The following MED20 variants were observed in gnomAD, a reference collection of about 807,000 sequenced individuals.
MED20 encodes the protein mediator complex subunit 20.
A neutral mutation model predicts 19.7 loss-of-function variants in MED20; 19 were observed. That is an observed-to-expected ratio of 0.96 (90% confidence interval 0.67 to 1.42). The LOEUF (loss-of-function observed/expected upper bound fraction) is 1.42, where lower values mean the gene tolerates loss of function less well. Among genes scored for constraint, MED20 ranks in the 40% most tolerant of loss-of-function variants. MED20 has a pLI of 0.00. For missense variants in MED20, 225 were observed against 273.0 expected (o/e 0.82, Z 1.24); for synonymous variants, 105 against 104.8 (o/e 1.00, Z -0.01).
intron 1 of MED20, chr6:41,918,015 C>CA (rs368085087): frequency 0.034 from 7,595 of 225,634 alleles, 58 homozygotes; most frequent in South Asian, 0.057. Context: ...TGGAACAAAA[C>CA]AAAAAAAAAA....
intron 1 of MED20, chr6:41,920,701 C>A: frequency 3.4e-6 from 1 of 297,030 alleles, no homozygotes; most frequent in Non-Finnish European, 6.2e-6. Context: ...ACCCAAGAGG[C>A]GGAGTGTTGC....
intron 2 of MED20, among the ~76,000 whole-genome samples, chr6:41,910,924 CATGGTAA>C (rs1224382286): frequency 6.6e-6 from 1 of 151,678 alleles, no homozygotes; most frequent in Admixed American, 6.6e-5. Flanking sequence ...GCCTGGCCAA[CATGGTAA>C]AACCTCGTGT....
At chr6:41,911,190 G>A (rs184513907) in intron 2 of MED20, among the ~76,000 whole-genome samples, 401 of 148,118 alleles carry the variant, frequency 2.7e-3, no homozygotes, top group African/African-American at 9.4e-3. Context: ...TCACTCTGTC[G>A]CCCAGGCTGT....
In MED20 at chr6:41,921,113, C is replaced by G; in HGVS notation, c.-95G>C. 1 of 1,530,338 alleles carries G rather than the reference C, an allele frequency of 6.5e-7. No individual in the cohort carries two copies. The highest frequency in any genetic ancestry group is 8.9e-7 in the Non-Finnish European group (1 of 1,119,594). The allele number at this position is 1,530,338 out of a possible 1,614,324, so 94.8% of individuals were successfully genotyped here. On this transcript the variant is annotated 5_prime_UTR_variant, in exon 1 of 4. Coordinates refer to ENST00000265350, the MANE Select transcript of MED20 (RefSeq NM_004275.5). ...TCCTTCAGTTCCCCAACACAACCTT[C>G]TGTCTCAGAAGGGACTCCGGAAATA...
In MED20 at chr6:41,909,494, C is replaced by A; in HGVS notation, c.198G>T (p.Met66Ile). The A allele has an allele frequency of 6.2e-7, 1 of 1,614,208 alleles. No individual in the cohort carries two copies. The highest frequency in any genetic ancestry group is 8.5e-7 in the Non-Finnish European group (1 of 1,180,018). Residue 66 changes from methionine (M) to isoleucine (I), a missense_variant, in exon 3 of 4, where the codon ATG becomes ATT. Transcript: ENST00000265350. The part of the protein sequence containing the change: ...QGQTGKLMYV[M>I]HNSEYPLSCF... ...AGCTCAATGGGTACTCTGAGTTGTG[C>A]ATCACATACATCAGCTTCCCGGTCT... is the stretch of plus-strand genomic sequence containing the variant.
chr6:41,914,726 A>C (rs1262555844), intron 2 of MED20, among the ~76,000 whole-genome samples: 1 of 151,966 alleles, frequency 6.6e-6, no homozygotes, highest in Non-Finnish European at 1.5e-5. Flanking sequence ...AAAAAGAAAA[A>C]AAAAAAAAGT....
chr6:41,907,865 A>G (rs558818641), intron 3 of MED20, among the ~76,000 whole-genome samples: 1 of 152,296 alleles, frequency 6.6e-6, no homozygotes, highest in East Asian at 1.9e-4. Context: ...GCAGGGCAAA[A>G]TTACTGGCAA....
chr6:41,912,015 C>T (rs1345881250), intron 2 of MED20, among the ~76,000 whole-genome samples: 1 of 151,594 alleles, frequency 6.6e-6, no homozygotes, highest in East Asian at 1.9e-4. Context: ...GAAGAAGGCA[C>T]TTCTAGTTGT....
rs1278058798 is a variant in MED20 at position 41,905,899 on chromosome 6, A to T, written c.*1173T>A. On this transcript the variant is annotated 3_prime_UTR_variant, in exon 4 of 4. Transcript: ENST00000265350. ...ACGAAAGGTGTGGAATTAACTTCCT[A>T]GTGTGACTAATCCAACTTAGCTCAA... is the stretch of plus-strand genomic sequence containing the variant. 1 of 152,160 alleles carries T rather than the reference A, an allele frequency of 6.6e-6. No individual in the cohort carries two copies. Among genetic ancestry groups the T allele is most frequent in the African/African-American group, 2.4e-5 (1 of 41,448 alleles). 9.4% of individuals were successfully genotyped at this position (152,160 alleles called of 1,614,324 possible).
chr6:41,919,575 T>A (rs957604587), intron 1 of MED20, among the ~76,000 whole-genome samples: 1 of 152,172 alleles, frequency 6.6e-6, no homozygotes, highest in Non-Finnish European at 1.5e-5. Context: ...CCTAGGATTC[T>A]GAAAACGTTG....
Position 41,907,211 on chromosome 6 carries a change from C to T in MED20, c.500G>A (p.Ser167Asn). The change falls in exon 4 of 4, where the codon AGC becomes AAC. Residue 167 changes from serine (S) to asparagine (N), a missense_variant. Ser to Asn is a conservative substitution (Grantham distance 46). Coordinates refer to ENST00000265350, the MANE Select transcript of MED20 (RefSeq NM_004275.5). ...CACTGCGGGAGCCCCTGGTGTGTGG[C>T]TGCCTAGAAAACTCTGTAGGAACTC... ...LLEFLQSFLG[S>N]HTPGAPAVFG... The T allele has an allele frequency of 6.2e-7, 1 of 1,614,042 alleles. No individual in the cohort carries two copies. Among genetic ancestry groups the T allele is most frequent in the African/African-American group, 1.3e-5 (1 of 74,998 alleles).
In MED20 at chr6:41,907,197, C is replaced by T. The variant is rs774216521; in HGVS notation, c.514G>A (p.Ala172Thr). Residue 172 changes from alanine (A) to threonine (T), a missense_variant, in exon 4 of 4, where the codon GCT (alanine) becomes ACT (threonine). By Grantham distance (58) the Ala-to-Thr change is moderately conservative. Transcript: ENST00000265350. ...TGTCTGTTCCCAAACACTGCGGGAG[C>T]CCCTGGTGTGTGGCTGCCTAGAAAA... Reference protein sequence around the residue: ...QSFLGSHTPGAPAVFGNRHDA... With the variant: ...QSFLGSHTPGTPAVFGNRHDA... 3 of 1,614,056 alleles carry T rather than the reference C, an allele frequency of 1.9e-6. No individual in the cohort carries two copies. Among genetic ancestry groups the T allele is most frequent in the Admixed American group, 1.7e-5 (1 of 60,004 alleles).
At chr6:41,912,221 T>TTTTTG (rs1251685830) in intron 2 of MED20, among the ~76,000 whole-genome samples, 1 of 146,790 alleles carries the variant, frequency 6.8e-6, no homozygotes, top group African/African-American at 2.6e-5. Context: ...TTTTTTTTTT[T>TTTTTG]GTAAAGATGA....
chr6:41,911,128 A>C (rs1210936851), intron 2 of MED20, among the ~76,000 whole-genome samples: 1 of 151,242 alleles, frequency 6.6e-6, no homozygotes, highest in Admixed American at 6.6e-5. Flanking sequence ...AAAGCTGACA[A>C]TCTCATGAGA....
intron 1 of MED20, among the ~76,000 whole-genome samples, chr6:41,920,359 C>G (rs1442375563): frequency 6.6e-6 from 1 of 152,086 alleles, no homozygotes; most frequent in African/African-American, 2.4e-5. Flanking sequence ...GAGGGAAGAG[C>G]AGGCGAAAAT....
intron 3 of MED20, 51 bp downstream of exon 3, chr6:41,909,218 G>C (rs1459019494): frequency 1.9e-6 from 3 of 1,572,740 alleles, no homozygotes; most frequent in Non-Finnish European, 2.6e-6. Flanking sequence ...AGAGCCCTTT[G>C]CTAAGCAGCC....
chr6:41,916,318 G>A (rs879745506), intron 2 of MED20, among the ~76,000 whole-genome samples: 5 of 151,998 alleles, frequency 3.3e-5, no homozygotes, highest in African/African-American at 4.8e-5. Context: ...AGTGGCTCAC[G>A]CCTGTAATCC....
Position 41,916,832 on chromosome 6 carries a change from A to G in MED20, c.122T>C (p.Val41Ala). The G allele has an allele frequency of 6.2e-7, 1 of 1,614,082 alleles. No homozygotes were observed. The highest frequency in any genetic ancestry group is 8.5e-7 in the Non-Finnish European group (1 of 1,180,002). The change falls in exon 2 of 4, where the codon GTG becomes GCG. Residue 41 changes from valine to alanine, a missense_variant. By Grantham distance (64) the Val-to-Ala change is moderately conservative. Coordinates refer to ENST00000265350, the MANE Select transcript of MED20 (RefSeq NM_004275.5). ...LGAEKQGTFC[V>A]DCETYHTAAS... is the part of the protein sequence containing the mutation. ...GGCCGTATGGTAAGTCTCACAGTCC[A>G]CACAAAATGTTCCTTGCTTCTCTGC... is the stretch of plus-strand genomic sequence containing the variant.
At chr6:41,907,521 CCAGAGGACCCAGAAG>C (rs1775087216) in intron 3 of MED20, among the ~76,000 whole-genome samples, 1 of 152,124 alleles carries the variant, frequency 6.6e-6, no homozygotes, top group Non-Finnish European at 1.5e-5. Context: ...CGCAGCCCTC[CCAGAGGACCCAGAAG>C]CAGATCTGGG....
Sources: gnomAD v4.1 joint callset for allele counts (sites outside exome capture counted in the v4.1 genomes callset) on GRCh38, gnomAD v4.1.1 for gene constraint, MANE v1.5 for transcripts, NCBI Gene and HGNC (gene_info 2026-07-23, HGNC 2026-07-21) for gene names.